The following DOCK3 variants were observed in gnomAD, a reference collection of about 807,000 sequenced individuals.
The protein encoded by DOCK3 is dedicator of cytokinesis 3.
Under a neutral mutation model 265.6 loss-of-function variants are expected in DOCK3, and 60 were observed. That is an observed-to-expected ratio of 0.23 (90% confidence interval 0.18 to 0.28). DOCK3 has a LOEUF of 0.28. DOCK3 is among the 10% of genes least tolerant of loss of function. DOCK3 has a pLI of 1.00. For missense variants in DOCK3, 1,981 were observed against 2,594.3 expected (o/e 0.76, Z 5.14); for synonymous variants, 881 against 938.0 (o/e 0.94, Z 1.11).
In DOCK3 at chr3:50,705,048, T is replaced by TA. The variant is rs1553636695; in HGVS notation, c.37+29750dup. ...TGTTTTCTGATTTTTTTTTTTTTTT[T>TA]AATCTATTCCTTGTTCCTTTCTTCT... is the stretch of plus-strand genomic sequence containing the variant. On this transcript the variant is annotated intron_variant, in intron 1 of 52. Coordinates refer to ENST00000266037, the MANE Select transcript of DOCK3 (RefSeq NM_004947.5). 7.3e-5 allele frequency among the ~76,000 whole-genome samples: 11 copies of TA among 150,620 alleles called. No individual in the cohort carries two copies. In the South Asian group the frequency reaches 1.5e-3, roughly 20 times the overall value.
chr3:51,053,078 G>GAGAT (rs1553745810), intron 5 of DOCK3, among the ~76,000 whole-genome samples: 19 of 43,786 alleles, frequency 4.3e-4, no homozygotes, highest in Non-Finnish European at 7.6e-4. Flanking sequence ...AAAAGTCAAA[G>GAGAT]ATATATATAT....
At chr3:51,247,674 A>G (rs781092578) in intron 22 of DOCK3, among the ~76,000 whole-genome samples, 4 of 152,204 alleles carry the variant, frequency 2.6e-5, no homozygotes, top group Non-Finnish European at 5.9e-5. Flanking sequence ...CACATTCCGT[A>G]AAAATCTGAG....
chr3:50,866,790 T>C (rs1346842536), intron 3 of DOCK3, among the ~76,000 whole-genome samples: 1 of 152,186 alleles, frequency 6.6e-6, no homozygotes, highest in African/African-American at 2.4e-5. Flanking sequence ...TTGGTGTATA[T>C]GTCTATATTT....
Position 51,075,407 on chromosome 3 carries a change from G to A in DOCK3, c.516G>A (p.Ser172=), listed in dbSNP as rs539853165. ...VPRKDFEVVD[S]DQISVSDLYK... ...GGAAGGACTTTGAAGTAGTGGACTC[G>A]GACCAGATTAGTGTCTCAGATCTCT... Residue 172 remains serine, a synonymous_variant, in exon 7 of 53, where the codon TCG becomes TCA. Coordinates refer to ENST00000266037, the MANE Select transcript of DOCK3 (RefSeq NM_004947.5). 9.9e-6 allele frequency: 16 copies of A among 1,610,784 alleles called. No homozygotes were observed. The highest frequency in any genetic ancestry group is 2.2e-5 in the East Asian group (1 of 44,842).
chr3:51,321,416 C>G (rs2083719858), intron 32 of DOCK3, among the ~76,000 whole-genome samples: 1 of 152,168 alleles, frequency 6.6e-6, no homozygotes, highest in South Asian at 2.1e-4. Flanking sequence ...CAGAATGCCT[C>G]TTCTCCTCCA....
At chr3:51,253,365 G>A (rs901473607) in intron 22 of DOCK3, among the ~76,000 whole-genome samples, 1 of 152,152 alleles carries the variant, frequency 6.6e-6, no homozygotes, top group Non-Finnish European at 1.5e-5. Flanking sequence ...GTATCAGGAT[G>A]ATGCTGGTCT....
intron 5 of DOCK3, among the ~76,000 whole-genome samples, chr3:51,007,366 G>C (rs1365781172): frequency 6.6e-6 from 1 of 152,168 alleles, no homozygotes; most frequent in Non-Finnish European, 1.5e-5. Context: ...GCATTTCTCT[G>C]ATGGCCAGTG....
chr3:50,758,845 C>T (rs2040355721), intron 1 of DOCK3, among the ~76,000 whole-genome samples: 1 of 152,194 alleles, frequency 6.6e-6, no homozygotes, highest in African/African-American at 2.4e-5. Context: ...AGTTGAGGAT[C>T]ATCTATAGTG....
intron 51 of DOCK3, among the ~76,000 whole-genome samples, chr3:51,377,182 C>T (rs2088209148): frequency 6.6e-6 from 1 of 152,142 alleles, no homozygotes; most frequent in African/African-American, 2.4e-5. Context: ...GCTGGACATG[C>T]CCACCCCTAG....
intron 5 of DOCK3, among the ~76,000 whole-genome samples, chr3:51,002,113 T>A (rs1361203834): frequency 1.4e-5 from 2 of 143,842 alleles, no homozygotes; most frequent in Non-Finnish European, 3.0e-5. Flanking sequence ...GCCCTGCTAA[T>A]TTTTTTTTTT....
At chr3:51,001,520 C>T (rs149006880) in intron 5 of DOCK3, among the ~76,000 whole-genome samples, 36 of 152,252 alleles carry the variant, frequency 2.4e-4, no homozygotes, top group Admixed American at 4.6e-4. Flanking sequence ...TCTTAGTGTC[C>T]ATAATTGCAT....
chr3:50,729,802 C>T (rs2038078138), intron 1 of DOCK3, among the ~76,000 whole-genome samples: 1 of 150,932 alleles, frequency 6.6e-6, no homozygotes, highest in Non-Finnish European at 1.5e-5. Flanking sequence ...AGGTGTGAGT[C>T]ACTGTGCCTG....
chr3:50,950,653 T>C (rs889415765), intron 5 of DOCK3, among the ~76,000 whole-genome samples: 2 of 152,076 alleles, frequency 1.3e-5, no homozygotes, highest in African/African-American at 4.8e-5. Flanking sequence ...GGAGAGTACC[T>C]ACCTTCTAGA....
At chr3:50,930,774 G>A (rs1242317963) in intron 4 of DOCK3, among the ~76,000 whole-genome samples, 10 of 152,212 alleles carry the variant, frequency 6.6e-5, no homozygotes, top group Admixed American at 6.5e-4. Flanking sequence ...GACCCTGGGC[G>A]GGCTTGTGCA....
At chr3:51,072,410 T>C (rs917069028) in intron 6 of DOCK3, among the ~76,000 whole-genome samples, 1 of 152,088 alleles carries the variant, frequency 6.6e-6, no homozygotes, top group African/African-American at 2.4e-5. Context: ...TTGTTTCTAA[T>C]ACAATTTTTT....
At chr3:51,249,713 G>T (rs1322536607) in intron 22 of DOCK3, among the ~76,000 whole-genome samples, 1 of 126,622 alleles carries the variant, frequency 7.9e-6, no homozygotes, top group Non-Finnish European at 1.7e-5. Context: ...GCCTCTGCCC[G>T]GCCGCCCCTA....
intron 5 of DOCK3, among the ~76,000 whole-genome samples, chr3:51,035,002 A>G (rs1162899202): frequency 6.6e-6 from 1 of 151,620 alleles, no homozygotes; most frequent in African/African-American, 2.4e-5. Context: ...TAAGATCTTT[A>G]TTTTTTTATA....
At chr3:51,194,365 A>C (rs1195621038) in intron 12 of DOCK3, among the ~76,000 whole-genome samples, 3 of 152,142 alleles carry the variant, frequency 2.0e-5, no homozygotes, top group Non-Finnish European at 4.4e-5. Context: ...TGATGAAAAG[A>C]ATGTATATTC....
Position 50,815,174 on chromosome 3 carries a change from T to G in DOCK3, c.122-26501T>G, listed in dbSNP as rs755765197. 2.6e-5 allele frequency among the ~76,000 whole-genome samples: 4 copies of G among 152,236 alleles called. 1 individual carries two copies. Among genetic ancestry groups the G allele is most frequent in the Non-Finnish European group, 5.9e-5 (4 of 68,046 alleles). ...GCAGTATAAATCAAGACTTCTACTC[T>G]ATTATTATTTCCTATTCCAAACATA... On this transcript the variant is annotated intron_variant, in intron 2 of 52. Coordinates refer to ENST00000266037, the MANE Select transcript of DOCK3 (RefSeq NM_004947.5).
Sources: gnomAD v4.1 joint callset for allele counts (sites outside exome capture counted in the v4.1 genomes callset) on GRCh38, gnomAD v4.1.1 for gene constraint, MANE v1.5 for transcripts, NCBI Gene and HGNC (gene_info 2026-07-23, HGNC 2026-07-21) for gene names.